MATN2: variants seen among roughly 807,000 people sequenced by gnomAD.
MATN2 encodes matrilin-2.
A neutral mutation model predicts 103.2 loss-of-function variants in MATN2; 69 were observed. The observed-to-expected ratio is 0.67, with a 90% CI of 0.55 to 0.82. MATN2 has a LOEUF of 0.82. Among genes scored for constraint, MATN2 ranks in the 40% least tolerant of loss-of-function variants. MATN2 has a pLI of 0.00. For missense variants in MATN2, 1,023 were observed against 1,211.5 expected, an observed-to-expected ratio of 0.84 and a Z score of 2.31; for synonymous variants, 429 against 450.2, an observed-to-expected ratio of 0.95 and a Z score of 0.60.
chr8:97,903,387 G>A (rs1039617805), intron 2 of MATN2, among the ~76,000 whole-genome samples: 1 of 152,188 alleles, frequency 6.6e-6, no homozygotes, highest in African/African-American at 2.4e-5. Flanking sequence ...CCACATGGAA[G>A]GGCTCTTCCT....
intron 18 of MATN2, chr8:98,034,136 A>G: frequency 2.2e-6 from 1 of 455,298 alleles, no homozygotes; most frequent in South Asian, 1.6e-5. Flanking sequence ...TAGTTTCTGG[A>G]GGACAGGAGT....
intron 10 of MATN2, among the ~76,000 whole-genome samples, chr8:98,012,394 A>G (rs1389671867): frequency 1.3e-5 from 2 of 152,148 alleles, no homozygotes; most frequent in African/African-American, 4.8e-5. Context: ...GTTTAATCCA[A>G]CACCCAGAGG....
At chr8:97,960,019 G>A (rs1186126437) in intron 4 of MATN2, among the ~76,000 whole-genome samples, 1 of 151,478 alleles carries the variant, frequency 6.6e-6, no homozygotes, top group African/African-American at 2.4e-5. Context: ...GTGTGATCTC[G>A]GCTCACTGCA....
intron 4 of MATN2, among the ~76,000 whole-genome samples, chr8:97,948,528 G>A (rs1188024993): frequency 1.3e-5 from 2 of 152,188 alleles, no homozygotes; most frequent in Non-Finnish European, 2.9e-5. Flanking sequence ...GAACAGAATC[G>A]AGAAATAACC....
At position 97,924,723 on chromosome 8, in the gene MATN2, GTTT is replaced by G. The variant is rs3076718; in HGVS notation, c.143-6217_143-6215del. Among the ~76,000 whole-genome samples the G allele has an allele frequency of 1.7e-3, 246 of 143,334 alleles. 1 individual carries two copies. The highest frequency in any genetic ancestry group is 7.3e-3 in the South Asian group (32 of 4,412). 94.0% of individuals were successfully genotyped at this position (143,334 alleles called of 152,430 possible). A position where few individuals can be genotyped will look rare whatever the true frequency, so the allele number is the denominator to read the frequency against. On this transcript the variant is annotated intron_variant, in intron 2 of 18. Coordinates refer to ENST00000254898, the MANE Select transcript of MATN2 (RefSeq NM_002380.5). ...ATCTGTTTTCATCATATTATTAAGT[GTTT>G]TTTTTTTTTTTTCAGCACTTGGCAG...
chr8:97,992,334 G>A (rs1812419134), intron 6 of MATN2, among the ~76,000 whole-genome samples: 1 of 152,106 alleles, frequency 6.6e-6, no homozygotes. Context: ...GCTTGAAATT[G>A]TTTTCAAAGA....
intron 5 of MATN2, among the ~76,000 whole-genome samples, chr8:97,977,384 A>G (rs1811875343): frequency 1.3e-5 from 2 of 152,052 alleles, no homozygotes; most frequent in South Asian, 2.1e-4. Flanking sequence ...CGCCACCCTA[A>G]TAAGCACATT....
At chr8:97,994,426 T>C in intron 6 of MATN2, 54 bp from the exon 7 acceptor site, 1 of 1,560,160 alleles carries the variant, frequency 6.4e-7, no homozygotes, top group South Asian at 1.2e-5. Flanking sequence ...CTGGTTTTCC[T>C]ATGCTAGCTT....
chr8:98,035,023 A>G (rs1814186211), intron 18 of MATN2, among the ~76,000 whole-genome samples: 1 of 152,116 alleles, frequency 6.6e-6, no homozygotes, highest in African/African-American at 2.4e-5. Flanking sequence ...GTTCGAGATC[A>G]GCCTGGGCAA....
Position 97,931,338 on chromosome 8 carries a change from C to T in MATN2, c.528C>T (p.Ser176=), listed in dbSNP as rs771720866. 17 of 1,613,740 alleles carry T rather than the reference C, an allele frequency of 1.1e-5. No homozygotes were observed. The highest frequency in any genetic ancestry group is 4.0e-5 in the African/African-American group (3 of 74,912). The part of the protein sequence containing the change: ...MIVTDGRPQD[S]VAEVAAKARD... ...TGACAGATGGGAGACCTCAGGACTC[C>T]GTGGCCGAGGTGGCTGCTAAGGCAC... is the stretch of plus-strand genomic sequence containing the variant. The change falls in exon 3 of 19, where the codon TCC becomes TCT. Residue 176 remains serine (S), a synonymous_variant. Coordinates refer to ENST00000254898, the MANE Select transcript of MATN2 (RefSeq NM_002380.5). The surrounding 1 kb of genome is among the most constrained non-coding windows in gnomAD (Gnocchi z 4.1).
intron 15 of MATN2, among the ~76,000 whole-genome samples, chr8:98,031,156 G>C (rs1005267743): frequency 1.8e-4 from 27 of 152,066 alleles, no homozygotes; most frequent in Non-Finnish European, 2.9e-4. Context: ...AGGCAACAAA[G>C]TGAAACCCTG....
At chr8:97,892,293 G>A (rs907729803) in intron 2 of MATN2, among the ~76,000 whole-genome samples, 3 of 149,548 alleles carry the variant, frequency 2.0e-5, no homozygotes, top group Non-Finnish European at 4.4e-5. Context: ...CACACCTATA[G>A]TCCCAGCTAA....
In MATN2 at chr8:98,033,043, A is replaced by G; in HGVS notation, c.2583A>G (p.Glu861=). 1 of 1,604,622 alleles carries G rather than the reference A, an allele frequency of 6.2e-7. No individual in the cohort carries two copies. The highest frequency in any genetic ancestry group is 8.5e-7 in the Non-Finnish European group (1 of 1,177,306). ...TTGCAGTTTTCTTTCTCTTTACAGAATCTGAGCCAGTCACCATAAATATCC... is the reference window on the plus strand; with the variant it reads ...TTGCAGTTTTCTTTCTCTTTACAGAGTCTGAGCCAGTCACCATAAATATCC... The part of the protein sequence containing the change: ...ELPKTVQQPT[E]SEPVTINIQD... Residue 861 remains glutamate (E), a splice_region_variant and synonymous_variant, in exon 17 of 19, where the codon GAA becomes GAG. Coordinates refer to ENST00000254898, the MANE Select transcript of MATN2 (RefSeq NM_002380.5).
chr8:98,034,338 A>C (rs16896577), intron 18 of MATN2: 2 of 379,272 alleles, frequency 5.3e-6, no homozygotes, highest in African/African-American at 4.3e-5. Context: ...CAAGTGCTCT[A>C]AACTTAAAAT....
chr8:97,977,235 CAAAAAAAAAAAAAAAAAA>C (rs34634037), intron 5 of MATN2, among the ~76,000 whole-genome samples: 25 of 35,936 alleles, frequency 7.0e-4, no homozygotes, highest in Middle Eastern at 0.028. Flanking sequence ...GACCCTGTCT[CAAAAAAAAAAAAAAAAAA>C]AAAAAAAAAA....
At chr8:97,869,893 G>C (rs971992111) in intron 1 of MATN2, among the ~76,000 whole-genome samples, 7 of 152,124 alleles carry the variant, frequency 4.6e-5, no homozygotes, top group African/African-American at 1.7e-4. Flanking sequence ...TCCCTGGTAG[G>C]GTCTCCAGGA....
chr8:98,014,010 A>G (rs558841835), intron 10 of MATN2, among the ~76,000 whole-genome samples: 2 of 152,218 alleles, frequency 1.3e-5, no homozygotes, highest in South Asian at 2.1e-4. Flanking sequence ...TCAGGAGGCT[A>G]AGGTGGGAGG....
intron 2 of MATN2, among the ~76,000 whole-genome samples, chr8:97,893,300 G>A (rs1818694479): frequency 6.6e-6 from 1 of 152,158 alleles, no homozygotes; most frequent in Non-Finnish European, 1.5e-5. Context: ...AGAACCCTTT[G>A]GACTTGGATT....
rs1812063112 is a variant in MATN2 at position 97,982,578 on chromosome 8, C to T, written c.1081+3570C>T. On this transcript the variant is annotated intron_variant, in intron 6 of 18. Transcript: ENST00000254898. This position sits in a 1 kb window ranked among gnomAD's most constrained non-coding sequence, Gnocchi z 4.3. Reference sequence around the variant, plus strand: ...TATTATCTCAAAAAGGTAGACTAGTCAATGTAATAAACCAAGCATGGTTAA... The same window carrying T: ...TATTATCTCAAAAAGGTAGACTAGTTAATGTAATAAACCAAGCATGGTTAA... Among the ~76,000 whole-genome samples, 1 of 152,132 alleles carries T rather than the reference C, an allele frequency of 6.6e-6. No individual in the cohort carries two copies. Among genetic ancestry groups the T allele is most frequent in the Non-Finnish European group, 1.5e-5 (1 of 68,030 alleles).
Sources: allele counts gnomAD v4.1 joint callset (sites outside exome capture counted in the v4.1 genomes callset), GRCh38; gene constraint gnomAD v4.1.1; non-coding constraint Gnocchi (gnomAD v3.1); transcripts MANE v1.5; gene names NCBI Gene and HGNC (gene_info 2026-07-23, HGNC 2026-07-21).